AKT3: variants seen among roughly 807,000 people sequenced by gnomAD.
AKT3 encodes RAC-gamma serine/threonine-protein kinase.
AKT3 carries 15 observed loss-of-function variants against 65.3 expected under a neutral mutation model. That is an observed-to-expected ratio of 0.23 (90% CI 0.15 to 0.35). AKT3 has a LOEUF of 0.35. AKT3 is among the 10% of genes least tolerant of loss of function. The pLI is 1.00. For missense variants in AKT3, 243 were observed against 576.5 expected (o/e 0.42, Z 5.92); for synonymous variants, 206 against 183.8 (o/e 1.12, Z -0.98).
At chr1:243,636,295 T>C (rs1679968193) in intron 6 of AKT3, among the ~76,000 whole-genome samples, 1 of 152,102 alleles carries the variant, frequency 6.6e-6, no homozygotes, top group African/African-American at 2.4e-5. Context: ...ACTGATGGCA[T>C]GTACTATTAT....
chr1:243,755,479 T>A (rs1204404844), intron 2 of AKT3, among the ~76,000 whole-genome samples: 1 of 152,154 alleles, frequency 6.6e-6, no homozygotes, highest in Non-Finnish European at 1.5e-5. Context: ...TGTAAGCATA[T>A]CTTTGAAATT....
chr1:243,629,805 A>T (rs924270889), intron 6 of AKT3, among the ~76,000 whole-genome samples: 2 of 152,150 alleles, frequency 1.3e-5, no homozygotes, highest in Non-Finnish European at 2.9e-5. Context: ...AAATAAAAAT[A>T]AAAAAGATAT....
chr1:243,681,073 A>C (rs180704116), intron 3 of AKT3, among the ~76,000 whole-genome samples: 149 of 152,256 alleles, frequency 9.8e-4, no homozygotes, highest in South Asian at 6.4e-3. Flanking sequence ...ACTGGTCTGG[A>C]AACTTGAAAG....
intron 2 of AKT3, among the ~76,000 whole-genome samples, chr1:243,744,911 C>T (rs1688386744): frequency 2.0e-5 from 3 of 151,816 alleles, no homozygotes; most frequent in African/African-American, 7.3e-5. Flanking sequence ...TCACTGTATT[C>T]ATGAGTCCTT....
At chr1:243,568,439 G>GAA (rs113494657) in intron 9 of AKT3, among the ~76,000 whole-genome samples, 2 of 136,514 alleles carry the variant, frequency 1.5e-5, no homozygotes, top group Non-Finnish European at 1.6e-5. Context: ...TGAGGAGAGA[G>GAA]AAAAAAAAAA....
intron 2 of AKT3, among the ~76,000 whole-genome samples, chr1:243,807,180 G>C (rs1285023322): frequency 6.6e-6 from 1 of 152,232 alleles, no homozygotes; most frequent in Non-Finnish European, 1.5e-5. Context: ...TTGTCGGACA[G>C]TGGGTGCAGG....
intron 6 of AKT3, among the ~76,000 whole-genome samples, chr1:243,621,434 C>G (rs1678745623): frequency 6.6e-6 from 1 of 152,156 alleles, no homozygotes; most frequent in African/African-American, 2.4e-5. Context: ...TTTGCTGCTT[C>G]CTTTGCTCTG....
At chr1:243,553,058 T>A (rs1339524013) in intron 10 of AKT3, 115 bp from the exon 11 acceptor site, 14 of 778,314 alleles carry the variant, frequency 1.8e-5, no homozygotes, top group Non-Finnish European at 2.7e-5. Context: ...GCCTAGGTAG[T>A]CTGAGATCTT....
At chr1:243,795,378 T>C in intron 2 of AKT3, among the ~76,000 whole-genome samples, 1 of 151,788 alleles carries the variant, frequency 6.6e-6, no homozygotes, top group Non-Finnish European at 1.5e-5. Context: ...GACTGTGCAG[T>C]TCTGGAAGGA....
chr1:243,551,739 T>G (rs1313815348), intron 11 of AKT3, among the ~76,000 whole-genome samples: 5 of 152,032 alleles, frequency 3.3e-5, no homozygotes, highest in Non-Finnish European at 7.4e-5. Flanking sequence ...GGCAGATATA[T>G]CCATATACAA....
chr1:243,764,566 C>T (rs1689696829), intron 2 of AKT3, among the ~76,000 whole-genome samples: 1 of 151,892 alleles, frequency 6.6e-6, no homozygotes, highest in African/African-American at 2.4e-5. Context: ...AGAGAAGTAC[C>T]ATATTCCTAT....
intron 12 of AKT3, among the ~76,000 whole-genome samples, chr1:243,514,783 GCTATTGCATTCCAA>G (rs1209848350): frequency 6.6e-6 from 1 of 152,142 alleles, no homozygotes; most frequent in African/African-American, 2.4e-5. Context: ...CCAAGATTAT[GCTATTGCATTCCAA>G]CCCGGCCGGG....
chr1:243,826,900 AG>A (rs1333879224), intron 2 of AKT3, among the ~76,000 whole-genome samples: 2 of 152,244 alleles, frequency 1.3e-5, no homozygotes, highest in African/African-American at 4.8e-5. Context: ...TCTGATGCCA[AG>A]TAAGTGTGAC....
chr1:243,529,628 T>G (rs942889076), intron 12 of AKT3, among the ~76,000 whole-genome samples: 2 of 152,114 alleles, frequency 1.3e-5, no homozygotes, highest in African/African-American at 4.8e-5. Context: ...TCTGGGCTAT[T>G]TATTCTGTCC....
At chr1:243,702,562 T>C (rs1325284477) in intron 2 of AKT3, among the ~76,000 whole-genome samples, 3 of 152,186 alleles carry the variant, frequency 2.0e-5, no homozygotes, top group East Asian at 3.8e-4. Flanking sequence ...GTGATACTAA[T>C]ACTAATACCA....
chr1:243,746,889 C>A (rs1480150808), intron 2 of AKT3, among the ~76,000 whole-genome samples: 2 of 151,382 alleles, frequency 1.3e-5, no homozygotes, highest in Admixed American at 1.3e-4. Context: ...TCATGAAGAA[C>A]ATGAACATGG....
chr1:243,850,324 G>T (rs574786716), upstream of AKT3, among the ~76,000 whole-genome samples: 2 of 150,668 alleles, frequency 1.3e-5, no homozygotes, highest in Admixed American at 6.6e-5. Flanking sequence ...GGCGGCGGGA[G>T]GGGGAGGGAG....
chr1:243,647,143 T>G (rs1012709509), intron 4 of AKT3, among the ~76,000 whole-genome samples: 2 of 152,246 alleles, frequency 1.3e-5, no homozygotes, highest in African/African-American at 2.4e-5. Flanking sequence ...TAATTTTCTG[T>G]GTAAAGATCT....
At chr1:243,619,006 C>A (rs963245293) in intron 6 of AKT3, among the ~76,000 whole-genome samples, 19 of 152,224 alleles carry the variant, frequency 1.2e-4, no homozygotes, top group African/African-American at 4.3e-4. Flanking sequence ...TTCTACTTCA[C>A]AAAACTGCCT....
Sources: allele counts gnomAD v4.1 joint callset (sites outside exome capture counted in the v4.1 genomes callset), GRCh38; gene constraint gnomAD v4.1.1; transcripts MANE v1.5; gene names NCBI Gene and HGNC (gene_info 2026-07-23, HGNC 2026-07-21).